SYNJ2: variants seen among roughly 807,000 people sequenced by gnomAD.
SYNJ2 encodes the protein synaptojanin 2.
SYNJ2 carries 116 observed loss-of-function variants against 141.3 expected under a neutral mutation model. The observed-to-expected ratio is 0.82, with a 90% CI of 0.71 to 0.96. The LOEUF (loss-of-function observed/expected upper bound fraction) is 0.96. Ranked by LOEUF, SYNJ2 falls within the 40% of genes least tolerant of loss-of-function variation. The pLI, the probability that SYNJ2 is intolerant of heterozygous loss-of-function variation, is 0.00. For missense variants in SYNJ2, 1,873 were observed against 1,934.8 expected, an observed-to-expected ratio of 0.97 and a Z score of 0.60; for synonymous variants, 745 against 777.7, an observed-to-expected ratio of 0.96 and a Z score of 0.70.
Position 158,024,424 on chromosome 6 carries a change from G to A in SYNJ2, c.215-4332G>A, listed in dbSNP as rs112409886. 3.1e-3 allele frequency among the ~76,000 whole-genome samples: 469 copies of A among 152,302 alleles called. 3 individuals are homozygous for A. Among genetic ancestry groups the A allele is most frequent in the African/African-American group, 0.011 (439 of 41,580 alleles). ...CACTCTAGCCTGGGCGACAGAGCAAGACTGTCACCTCCCAGAGACCCCACC... is the reference window on the plus strand; with the variant it reads ...CACTCTAGCCTGGGCGACAGAGCAAAACTGTCACCTCCCAGAGACCCCACC... On this transcript the variant is annotated intron_variant, in intron 2 of 26. Coordinates refer to ENST00000355585, the MANE Select transcript of SYNJ2 (RefSeq NM_003898.4).
chr6:158,065,115 ATGCACCTTGC>A (rs2128367205), intron 11 of SYNJ2, 124 bp downstream of exon 11: 1 of 1,251,864 alleles, frequency 8.0e-7, no homozygotes, highest in African/African-American at 1.5e-5. Context: ...GCAGTGGACC[ATGCACCTTGC>A]AGCTGTCACT....
intron 7 of SYNJ2, among the ~76,000 whole-genome samples, chr6:158,059,889 A>G (rs1254173345): frequency 6.6e-6 from 1 of 152,278 alleles, no homozygotes; most frequent in East Asian, 1.9e-4. Flanking sequence ...GATGGTTGGG[A>G]GAATTTGCTC....
intron 5 of SYNJ2, among the ~76,000 whole-genome samples, chr6:158,053,075 G>A (rs76340835): frequency 0.073 from 11,106 of 152,162 alleles, 518 homozygotes; most frequent in Non-Finnish European, 0.095. Flanking sequence ...CCGTTAAGTC[G>A]AGGGTCCCTA....
At chr6:158,046,685 T>G (rs1780253247) in intron 5 of SYNJ2, among the ~76,000 whole-genome samples, 1 of 152,220 alleles carries the variant, frequency 6.6e-6, no homozygotes. Context: ...TAATGGTACC[T>G]TCAGTACTTC....
intron 24 of SYNJ2, 142 bp from the exon 25 acceptor site, chr6:158,089,697 G>A (rs1427531328): frequency 6.8e-6 from 4 of 588,398 alleles, no homozygotes; most frequent in Non-Finnish European, 1.2e-5. Flanking sequence ...AGAGAGGATT[G>A]CAGGGTGTGG....
chr6:157,984,627 C>T (rs1005114212), intron 1 of SYNJ2, among the ~76,000 whole-genome samples: 1 of 152,190 alleles, frequency 6.6e-6, no homozygotes, highest in African/African-American at 2.4e-5. Flanking sequence ...TGGTTTCTAA[C>T]TCCTGACCTT....
rs1289027910 is a variant in SYNJ2, at chr6:158,027,227, G to C, written c.215-1529G>C. The C allele has an allele frequency of 1.0e-6, 1 of 980,778 alleles. No homozygotes were observed. The highest frequency in any genetic ancestry group is 1.2e-6 in the Non-Finnish European group (1 of 825,758). 60.8% of individuals were successfully genotyped at this position (980,778 alleles called of 1,614,324 possible). On this transcript the variant is annotated intron_variant, in intron 2 of 26. Coordinates refer to ENST00000355585, the MANE Select transcript of SYNJ2 (RefSeq NM_003898.4). This position sits in a 1 kb window ranked among gnomAD's most constrained non-coding sequence, Gnocchi z 4.6. ...TGTTTTGGGGGTCTCTTCCTGGAGT[G>C]TGGAGAGATCAGAACCATCTCCAGA...
In SYNJ2 at chr6:158,062,179, G is replaced by C. The variant is rs202140646; in HGVS notation, c.1127+15G>C. On this transcript the variant is annotated intron_variant, in intron 8 of 26. Transcript: ENST00000355585. ...GTCAGTCCACGGTGAGGCTCGCTGC[G>C]CACTGTGCCGCGTCTTCTGCTGGGG... The C allele has an allele frequency of 2.5e-6, 4 of 1,608,752 alleles. No homozygotes were observed. The East Asian group carries it at 8.9e-5, about 36-fold the overall frequency.
chr6:158,031,640 G>A lies in SYNJ2; in HGVS notation c.486-1815G>A, dbSNP rs1583357697. ...GCAGCGTGAGGTCTGGAGACCCACA[G>A]CAGGAGTCAGATGGGGTCAACGCTC... On this transcript the variant is annotated intron_variant, in intron 3 of 26. Transcript: ENST00000355585. Among the ~76,000 whole-genome samples, 3 of 152,340 alleles carry A rather than the reference G, an allele frequency of 2.0e-5. No individual in the cohort carries two copies. In the South Asian group the frequency reaches 6.2e-4, roughly 32 times the overall value.
At chr6:158,042,906 C>G (rs2128344263) in intron 4 of SYNJ2, among the ~76,000 whole-genome samples, 1 of 152,324 alleles carries the variant, frequency 6.6e-6, no homozygotes, top group Non-Finnish European at 1.5e-5. Flanking sequence ...TCTCATAGCT[C>G]TCTTCTGCTT....
chr6:158,050,586 C>G (rs943696291), intron 5 of SYNJ2, among the ~76,000 whole-genome samples: 1 of 152,338 alleles, frequency 6.6e-6, no homozygotes, highest in East Asian at 1.9e-4. Flanking sequence ...GGATAAAAGA[C>G]AAGCCTGAGG....
At chr6:158,059,556 C>CTT (rs71805887) in intron 7 of SYNJ2, 691 of 1,174,074 alleles carry the variant, frequency 5.9e-4, no homozygotes, top group South Asian at 1.7e-3. Context: ...AATTTCTTTT[C>CTT]TTTTTTTTTT....
chr6:158,016,908 G>T (rs1039185854), intron 1 of SYNJ2: 46 of 852,828 alleles, frequency 5.4e-5, no homozygotes, highest in Non-Finnish European at 6.2e-5. Context: ...ATAGGGCCAG[G>T]CCCCAGGTGC....
At chr6:158,056,535 A>G (rs754053218) in intron 6 of SYNJ2, among the ~76,000 whole-genome samples, 1 of 152,120 alleles carries the variant, frequency 6.6e-6, no homozygotes, top group Admixed American at 6.5e-5. Context: ...TCTCATGTTC[A>G]TTGCTGACTA....
At chr6:158,059,690 G>A (rs1382569094) in intron 7 of SYNJ2, among the ~76,000 whole-genome samples, 1 of 152,104 alleles carries the variant, frequency 6.6e-6, no homozygotes, top group Non-Finnish European at 1.5e-5. Flanking sequence ...AAGTAGCTGG[G>A]ATTACAGGCA....
At chr6:158,046,226 G>A (rs985026774) in intron 5 of SYNJ2, among the ~76,000 whole-genome samples, 5 of 152,026 alleles carry the variant, frequency 3.3e-5, no homozygotes, top group Admixed American at 6.6e-5. Context: ...GATTACAGGC[G>A]TGAGCCATCG....
intron 13 of SYNJ2, among the ~76,000 whole-genome samples, chr6:158,069,174 T>C (rs773813202): frequency 2.8e-4 from 42 of 152,080 alleles, no homozygotes; most frequent in African/African-American, 7.5e-4. Flanking sequence ...TCAAAACCAC[T>C]GGATTTTTAT....
Position 158,079,697 on chromosome 6 carries a change from T to C in SYNJ2, c.2568-1412T>C, listed in dbSNP as rs189080334. ...TAATTCTAAATTCTTTAGATACCTG[T>C]TGTTGCAAATACATACCTAGAAGTG... On this transcript the variant is annotated intron_variant, in intron 18 of 26. Coordinates refer to ENST00000355585, the MANE Select transcript of SYNJ2 (RefSeq NM_003898.4). Among the ~76,000 whole-genome samples, 500 of 152,340 alleles carry C rather than the reference T, an allele frequency of 3.3e-3. 4 individuals carry two copies. The highest frequency in any genetic ancestry group is 3.7e-3 in the Non-Finnish European group (251 of 68,020).
intron 5 of SYNJ2, among the ~76,000 whole-genome samples, chr6:158,053,907 T>C (rs1318873472): frequency 1.3e-5 from 2 of 148,682 alleles, no homozygotes; most frequent in African/African-American, 2.5e-5. Context: ...CACTGATCCA[T>C]CCATCCACCC....
Sources: allele counts gnomAD v4.1 joint callset (sites outside exome capture counted in the v4.1 genomes callset), GRCh38; gene constraint gnomAD v4.1.1; non-coding constraint Gnocchi (gnomAD v3.1); transcripts MANE v1.5; gene names NCBI Gene and HGNC (gene_info 2026-07-23, HGNC 2026-07-21).